The following ZNF804B variants were observed in gnomAD, a reference collection of about 807,000 sequenced individuals.
ZNF804B encodes zinc finger protein 804B, also known as zinc finger 804B.
Under a neutral mutation model 101.4 loss-of-function variants are expected in ZNF804B, and 80 were observed. The ratio of observed to expected loss-of-function variants is 0.79; its 90% CI spans 0.66 to 0.95. The LOEUF (loss-of-function observed/expected upper bound fraction) is 0.95. ZNF804B is among the 40% of genes least tolerant of loss of function. ZNF804B has a pLI of 0.00. For synonymous variants in ZNF804B, 622 were observed against 558.8 expected (o/e 1.11, Z -1.59); for missense variants, 1,673 against 1,561.9 (o/e 1.07, Z -1.20).
At chr7:89,181,421 A>G (rs957201442) in intron 1 of ZNF804B, among the ~76,000 whole-genome samples, 7 of 152,216 alleles carry the variant, frequency 4.6e-5, no homozygotes, top group African/African-American at 1.7e-4. Context: ...AAATGCTGCC[A>G]CCATGAGTGC....
intron 1 of ZNF804B, among the ~76,000 whole-genome samples, chr7:88,816,634 G>A (rs1252759341): frequency 6.7e-6 from 1 of 148,200 alleles, no homozygotes; most frequent in Non-Finnish European, 1.5e-5. Context: ...ATGAAAAAAT[G>A]CTCATCATCA....
chr7:88,806,482 T>C (rs977207240), intron 1 of ZNF804B, among the ~76,000 whole-genome samples: 2 of 152,086 alleles, frequency 1.3e-5, no homozygotes, highest in African/African-American at 4.8e-5. Flanking sequence ...TATCTGGCAT[T>C]TACTCTACCT....
At chr7:88,931,970 C>T (rs1792893317) in intron 1 of ZNF804B, among the ~76,000 whole-genome samples, 1 of 151,200 alleles carries the variant, frequency 6.6e-6, no homozygotes, top group East Asian at 1.9e-4. Flanking sequence ...TGTTTTCTGT[C>T]TGCCCTTCTA....
At chr7:88,942,577 T>C (rs1793071709) in intron 1 of ZNF804B, among the ~76,000 whole-genome samples, 1 of 150,958 alleles carries the variant, frequency 6.6e-6, no homozygotes, top group South Asian at 2.1e-4. Flanking sequence ...CACTGATATA[T>C]CTTTTAAGCT....
intron 1 of ZNF804B, among the ~76,000 whole-genome samples, chr7:89,198,656 ATC>A (rs1441644410): frequency 6.6e-6 from 1 of 152,036 alleles, no homozygotes; most frequent in African/African-American, 2.4e-5. Context: ...GAGTAGATTT[ATC>A]TGTTATAAAT....
chr7:89,067,515 A>C (rs1463076847), intron 1 of ZNF804B, among the ~76,000 whole-genome samples: 1 of 152,124 alleles, frequency 6.6e-6, no homozygotes, highest in African/African-American at 2.4e-5. Flanking sequence ...CTTCCCTTTC[A>C]TAAGCCTAGT....
intron 1 of ZNF804B, among the ~76,000 whole-genome samples, chr7:88,938,991 A>G (rs1793016211): frequency 6.6e-6 from 1 of 152,080 alleles, no homozygotes; most frequent in Non-Finnish European, 1.5e-5. Flanking sequence ...TATTACTGTT[A>G]AATATACTGA....
intron 1 of ZNF804B, among the ~76,000 whole-genome samples, chr7:88,951,898 A>G (rs1319286356): frequency 6.6e-6 from 1 of 151,898 alleles, no homozygotes; most frequent in Non-Finnish European, 1.5e-5. Context: ...TAAACACTAA[A>G]AAAATTGATT....
At chr7:89,214,386 T>A (rs1233918725) in intron 1 of ZNF804B, among the ~76,000 whole-genome samples, 3 of 152,140 alleles carry the variant, frequency 2.0e-5, no homozygotes, top group African/African-American at 7.2e-5. Flanking sequence ...TCATTATATA[T>A]CAAATCTTGT....
In ZNF804B at chr7:89,337,040, T is replaced by G. The variant is rs779262897; in HGVS notation, c.*8T>G. 4.4e-6 allele frequency: 7 copies of G among 1,604,242 alleles called. No homozygotes were observed. Among genetic ancestry groups the G allele is most frequent in the Non-Finnish European group, 5.1e-6 (6 of 1,173,458 alleles). On this transcript the variant is annotated 3_prime_UTR_variant, in exon 4 of 4. Coordinates refer to ENST00000333190, the MANE Select transcript of ZNF804B (RefSeq NM_181646.5). ...TCCACACACTTGAACTAATAAGTGT[T>G]AAAGCCCCTCCTGTGGATAATTTTT...
chr7:88,953,905 G>C (rs759804950), intron 1 of ZNF804B, among the ~76,000 whole-genome samples: 1 of 151,460 alleles, frequency 6.6e-6, no homozygotes, highest in Admixed American at 6.6e-5. Flanking sequence ...TTTTACTGTT[G>C]ATCATTTTAT....
At chr7:88,874,751 G>A (rs1283684790) in intron 1 of ZNF804B, among the ~76,000 whole-genome samples, 2 of 152,090 alleles carry the variant, frequency 1.3e-5, no homozygotes, top group African/African-American at 2.4e-5. Flanking sequence ...ACACATCAAC[G>A]AGACAGAAAG....
chr7:88,789,051 C>G (rs943334901), intron 1 of ZNF804B, among the ~76,000 whole-genome samples: 3 of 152,000 alleles, frequency 2.0e-5, no homozygotes, highest in Admixed American at 1.3e-4. Flanking sequence ...TAGAAACATA[C>G]TAGCAAAAGT....
In ZNF804B at chr7:88,921,804, C is replaced by A. The variant is rs564786167; in HGVS notation, c.108+161720C>A. Among the ~76,000 whole-genome samples the A allele has an allele frequency of 3.3e-5, 5 of 152,014 alleles. No homozygotes were observed. The South Asian group carries it at 1.0e-3, about 32-fold the overall frequency. The stretch of plus-strand genomic sequence containing the variant: ...AAAAATGTATATGTTTAGGAATAAA[C>A]ATGGTATAGCAAGATGTCAGGATCT... On this transcript the variant is annotated intron_variant, in intron 1 of 3. Transcript: ENST00000333190.
intron 1 of ZNF804B, among the ~76,000 whole-genome samples, chr7:89,154,403 T>C (rs373120679): frequency 5.2e-4 from 79 of 152,280 alleles, no homozygotes; most frequent in African/African-American, 1.9e-3. Context: ...CAGAGAGATA[T>C]CTGTATTTCC....
intron 1 of ZNF804B, among the ~76,000 whole-genome samples, chr7:88,892,028 C>T (rs987893343): frequency 1.3e-5 from 2 of 152,056 alleles, no homozygotes; most frequent in Non-Finnish European, 2.9e-5. Context: ...TAAAGTTATA[C>T]AATATTTTTA....
intron 1 of ZNF804B, among the ~76,000 whole-genome samples, chr7:89,019,518 T>C (rs983048966): frequency 4.6e-5 from 7 of 152,014 alleles, no homozygotes; most frequent in African/African-American, 1.7e-4. Flanking sequence ...CACTGTAACT[T>C]TGATGTTTCT....
chr7:88,926,941 A>AGCG lies in ZNF804B; in HGVS notation c.108+166859_108+166861dup, dbSNP rs1554346827. Among the ~76,000 whole-genome samples, 24 of 84,418 alleles carry AGCG rather than the reference A, an allele frequency of 2.8e-4. 1 individual carries two copies. Among genetic ancestry groups the AGCG allele is most frequent in the Non-Finnish European group, 2.9e-4 (12 of 40,990 alleles). The allele number at this position is 84,418 out of a possible 152,430, so 55.4% of individuals were successfully genotyped here. The stretch of plus-strand genomic sequence containing the variant: ...CTTAGATGTCTGCCGGGTGGTGGGG[A>AGCG]GCGGGGGGAAAGCTGTTCTGTAGTT... On this transcript the variant is annotated intron_variant, in intron 1 of 3. Transcript: ENST00000333190.
chr7:88,803,388 A>G lies in ZNF804B; in HGVS notation c.108+43304A>G, dbSNP rs564127883. On this transcript the variant is annotated intron_variant, in intron 1 of 3. Transcript: ENST00000333190. ...AAATATAAGGGTATAAGATAGGGAA[A>G]TTACTAAGAAACAGTCCAGGAATTT... 3.3e-5 allele frequency among the ~76,000 whole-genome samples: 5 copies of G among 152,282 alleles called. No individual in the cohort carries two copies. In the East Asian group the frequency reaches 9.6e-4, roughly 29 times the overall value.
Sources: gnomAD v4.1 joint callset for allele counts (sites outside exome capture counted in the v4.1 genomes callset) on GRCh38, gnomAD v4.1.1 for gene constraint, MANE v1.5 for transcripts, NCBI Gene and HGNC (gene_info 2026-07-23, HGNC 2026-07-21) for gene names.